Variants in ASAP2 observed in about 807,000 individuals in gnomAD.
ASAP2 encodes the protein arf-GAP with SH3 domain, ANK repeat and PH domain-containing protein 2.
A neutral mutation model predicts 131.4 loss-of-function variants in ASAP2; 45 were observed. That is an observed-to-expected ratio of 0.34 (90% confidence interval 0.27 to 0.44). The LOEUF is 0.44. Among genes scored for constraint, ASAP2 ranks in the 20% least tolerant of loss-of-function variants. The probability of loss-of-function intolerance (pLI) is 1.00; values close to 1 mark genes in which losing one functional copy is unlikely to be tolerated. For synonymous variants in ASAP2, 510 were observed against 503.0 expected (o/e 1.01, Z -0.19); for missense variants, 1,011 against 1,297.0 (o/e 0.78, Z 3.39).
intron 4 of ASAP2, among the ~76,000 whole-genome samples, chr2:9,319,793 C>T (rs1446147216): frequency 1.3e-5 from 2 of 152,206 alleles, no homozygotes; most frequent in African/African-American, 4.8e-5. Flanking sequence ...TGTATGAAGT[C>T]CTGAATTGCA....
chr2:9,301,866 C>T (rs1410851758), intron 3 of ASAP2, among the ~76,000 whole-genome samples: 1 of 139,078 alleles, frequency 7.2e-6, no homozygotes, highest in African/African-American at 2.7e-5. Flanking sequence ...TTCTGTTGTC[C>T]AGGCTGGAGT....
At chr2:9,358,659 T>G (rs1672873283) in intron 14 of ASAP2, 97 bp from the exon 15 acceptor site, 1 of 1,453,010 alleles carries the variant, frequency 6.9e-7, no homozygotes, top group Non-Finnish European at 9.2e-7. Flanking sequence ...ATGCTCATGC[T>G]CAGAACTGCT....
intron 1 of ASAP2, among the ~76,000 whole-genome samples, chr2:9,224,648 T>TAATC (rs1364845619): frequency 1.3e-5 from 2 of 152,236 alleles, no homozygotes; most frequent in African/African-American, 4.8e-5. Context: ...TTGAAAAACA[T>TAATC]AATCATATCC....
intron 3 of ASAP2, among the ~76,000 whole-genome samples, chr2:9,298,161 C>T (rs116888231): frequency 0.011 from 1,639 of 152,278 alleles, 37 homozygotes; most frequent in East Asian, 0.081. Flanking sequence ...TTTTTCTTCT[C>T]CAGTTTCTCC....
intron 1 of ASAP2, among the ~76,000 whole-genome samples, chr2:9,228,396 A>C (rs1351749461): frequency 6.6e-6 from 1 of 152,166 alleles, no homozygotes; most frequent in African/African-American, 2.4e-5. Flanking sequence ...ATGATGGCTA[A>C]GTGGTTCCCA....
intron 2 of ASAP2, among the ~76,000 whole-genome samples, chr2:9,287,955 A>G (rs1477865197): frequency 2.6e-5 from 4 of 152,150 alleles, no homozygotes; most frequent in South Asian, 2.1e-4. Flanking sequence ...GGTATCTGCT[A>G]TTTAATTTGG....
intron 7 of ASAP2, among the ~76,000 whole-genome samples, chr2:9,333,886 G>A (rs1671003638): frequency 6.6e-6 from 1 of 152,068 alleles, no homozygotes; most frequent in African/African-American, 2.4e-5. Context: ...ACAGCATTGA[G>A]TTCTCAGCCT....
At chr2:9,262,178 GA>G (rs375935098) in intron 1 of ASAP2, among the ~76,000 whole-genome samples, 50 of 150,708 alleles carry the variant, frequency 3.3e-4, no homozygotes, top group African/African-American at 1.0e-3. Flanking sequence ...AATGTTGATG[GA>G]AAAAAAAATG....
intron 11 of ASAP2, among the ~76,000 whole-genome samples, chr2:9,345,369 C>T (rs1016638363): frequency 4.6e-5 from 7 of 152,120 alleles, no homozygotes; most frequent in Admixed American, 1.3e-4. Context: ...CAAGAAAAAA[C>T]GGAGCCCTCT....
chr2:9,246,478 G>C (rs955323634), intron 1 of ASAP2, among the ~76,000 whole-genome samples: 2 of 152,084 alleles, frequency 1.3e-5, no homozygotes, highest in Non-Finnish European at 2.9e-5. Flanking sequence ...TTTTTGTAGA[G>C]ACGGAGTATC....
At chr2:9,252,321 C>T (rs951066700) in intron 1 of ASAP2, among the ~76,000 whole-genome samples, 6 of 152,222 alleles carry the variant, frequency 3.9e-5, no homozygotes, top group Admixed American at 1.3e-4. Context: ...TGGCTCTTGC[C>T]TGTAATCCCA....
chr2:9,354,223 CCTT>C (rs1226322864), intron 12 of ASAP2, among the ~76,000 whole-genome samples: 1 of 152,212 alleles, frequency 6.6e-6, no homozygotes, highest in African/African-American at 2.4e-5. Context: ...GAGTCAATGA[CCTT>C]CCAGGTCCAC....
intron 19 of ASAP2, among the ~76,000 whole-genome samples, chr2:9,379,398 C>T (rs1674656690): frequency 6.6e-6 from 1 of 152,160 alleles, no homozygotes; most frequent in Non-Finnish European, 1.5e-5. Context: ...CTACTCACCC[C>T]CACCTGAGGC....
chr2:9,214,297 G>C (rs986177672), intron 1 of ASAP2, among the ~76,000 whole-genome samples: 1 of 152,208 alleles, frequency 6.6e-6, no homozygotes, highest in African/African-American at 2.4e-5. Context: ...GAGTGCAGTG[G>C]TGCGATCTCG....
intron 16 of ASAP2, 74 bp downstream of exon 16, chr2:9,368,593 A>C: frequency 7.4e-7 from 1 of 1,354,636 alleles, no homozygotes; most frequent in Non-Finnish European, 1.1e-6. Flanking sequence ...AGGCAGGGGA[A>C]TAAGAAGTTT....
chr2:9,235,439 C>G (rs1663481105), intron 1 of ASAP2, among the ~76,000 whole-genome samples: 1 of 152,210 alleles, frequency 6.6e-6, no homozygotes, highest in Admixed American at 6.5e-5. Flanking sequence ...TGTTATTTCA[C>G]TCGCAGAGTT....
chr2:9,345,906 G>C (rs536409862), intron 11 of ASAP2, among the ~76,000 whole-genome samples: 9 of 152,200 alleles, frequency 5.9e-5, no homozygotes, highest in Non-Finnish European at 1.0e-4. Flanking sequence ...TCCTCTGGGG[G>C]TGCCTTTGTT....
intron 1 of ASAP2, among the ~76,000 whole-genome samples, chr2:9,262,955 C>T (rs1403003730): frequency 6.6e-6 from 1 of 152,224 alleles, no homozygotes; most frequent in Non-Finnish European, 1.5e-5. Context: ...TGGCTTGAGC[C>T]TCGTTTCCTG....
At chr2:9,401,739 G>A (rs1676694889) in intron 27 of ASAP2, among the ~76,000 whole-genome samples, 1 of 152,244 alleles carries the variant, frequency 6.6e-6, no homozygotes, top group Non-Finnish European at 1.5e-5. Flanking sequence ...GGAGAGAGCT[G>A]ACCTAGAGCG....
Sources: gnomAD v4.1 joint callset for allele counts (sites outside exome capture counted in the v4.1 genomes callset) on GRCh38, gnomAD v4.1.1 for gene constraint, MANE v1.5 for transcripts, NCBI Gene and HGNC (gene_info 2026-07-23, HGNC 2026-07-21) for gene names.